The following WFDC9 variants were observed in gnomAD, a reference collection of about 807,000 sequenced individuals.
WFDC9 encodes protein WFDC9.
WFDC9 carries 9 observed loss-of-function variants against 9.5 expected under a neutral mutation model. The ratio of observed to expected loss-of-function variants is 0.95; its 90% CI spans 0.57 to 1.65. WFDC9 has a LOEUF of 1.65. WFDC9 is among the 40% of genes most tolerant of loss of function. The pLI is 0.00. For missense variants in WFDC9, 87 were observed against 106.7 expected, an observed-to-expected ratio of 0.82 and a Z score of 0.81; for synonymous variants, 33 against 32.3, an observed-to-expected ratio of 1.02 and a Z score of -0.07.
At chr20:45,620,278 A>C (rs1021147490) in intron 1 of WFDC9, among the ~76,000 whole-genome samples, 7 of 152,126 alleles carry the variant, frequency 4.6e-5, no homozygotes, top group African/African-American at 7.2e-5. Flanking sequence ...TTTCTTTGTA[A>C]TCTAAGTCAT....
chr20:45,610,231 T>C lies in WFDC9; in HGVS notation c.-50A>G. ...TAAGTTCTGGCAGAAGGCAAGTCTT[T>C]TCCCAATACTGCTAGACGTAGAAAA... On this transcript the variant is annotated 5_prime_UTR_variant, in exon 3 of 5. Transcript: ENST00000326000. 1 of 1,491,978 alleles carries C rather than the reference T, an allele frequency of 6.7e-7. No individual in the cohort carries two copies. The highest frequency in any genetic ancestry group is 9.3e-7 in the Non-Finnish European group (1 of 1,073,002). 92.4% of individuals were successfully genotyped at this position (1,491,978 alleles called of 1,614,324 possible). A position where few individuals can be genotyped will look rare whatever the true frequency, so the allele number is the denominator to read the frequency against.
intron 2 of WFDC9, among the ~76,000 whole-genome samples, chr20:45,614,404 A>G (rs540814991): frequency 6.6e-6 from 1 of 152,350 alleles, no homozygotes; most frequent in East Asian, 1.9e-4. Flanking sequence ...GTTAAAGAGG[A>G]CAGAGTGCTG....
chr20:45,610,907 A>C (rs1254841864), intron 2 of WFDC9, among the ~76,000 whole-genome samples: 3 of 152,250 alleles, frequency 2.0e-5, no homozygotes, highest in African/African-American at 7.2e-5. Context: ...AAAAGGTTTT[A>C]TGAATACGAC....
intron 1 of WFDC9, among the ~76,000 whole-genome samples, chr20:45,627,582 C>T (rs567216314): frequency 8.5e-5 from 13 of 152,164 alleles, no homozygotes; most frequent in African/African-American, 2.9e-4. Context: ...TCCATTTCCT[C>T]TAGGTTTTTG....
chr20:45,610,826 A>G (rs1313127128), intron 2 of WFDC9, among the ~76,000 whole-genome samples: 2 of 152,250 alleles, frequency 1.3e-5, no homozygotes, highest in African/African-American at 4.8e-5. Context: ...GAAGATTTTG[A>G]AGGAAATTTT....
rs903428122 is a variant in WFDC9 at position 45,608,527 on chromosome 20, T to G, written c.239+136A>C. On this transcript the variant is annotated intron_variant, in intron 4 of 4. Transcript: ENST00000326000. ...TTTGCAGTGAGGAGCAGCCTAGGTT[T>G]GGAGATAGGAGGACATTGTCTTTTG... 6.4e-6 allele frequency: 7 copies of G among 1,088,924 alleles called. No individual in the cohort carries two copies. The Admixed American group carries it at 7.5e-5, about 12-fold the overall frequency. The allele number at this position is 1,088,924 out of a possible 1,614,324, so 67.5% of individuals were successfully genotyped here.
In WFDC9 at chr20:45,611,298, G is replaced by A. The variant is rs541445501; in HGVS notation, c.-58-1059C>T. On this transcript the variant is annotated intron_variant, in intron 2 of 4. Transcript: ENST00000326000. ...AGCCAGAGTGGGGGTGGTGGGAGGC[G>A]GGGGAGAGAGATTCACCACATCCTG... Among the ~76,000 whole-genome samples, 8 of 152,242 alleles carry A rather than the reference G, an allele frequency of 5.3e-5. No individual in the cohort carries two copies. The East Asian group carries it at 5.8e-4, about 11-fold the overall frequency.
intron 1 of WFDC9, among the ~76,000 whole-genome samples, chr20:45,616,445 C>T (rs1473228720): frequency 6.6e-6 from 1 of 152,152 alleles, no homozygotes; most frequent in South Asian, 2.1e-4. Context: ...AGTCTTGAAA[C>T]CCTCAGTCAT....
intron 2 of WFDC9, among the ~76,000 whole-genome samples, chr20:45,612,156 G>C (rs914139594): frequency 6.6e-6 from 1 of 152,082 alleles, no homozygotes; most frequent in Non-Finnish European, 1.5e-5. Context: ...AATGTTAACT[G>C]TCAGCATTAA....
intron 1 of WFDC9, among the ~76,000 whole-genome samples, chr20:45,624,062 C>T (rs909253663): frequency 5.9e-5 from 9 of 151,910 alleles, no homozygotes; most frequent in South Asian, 2.1e-4. Context: ...CATGGTGGCA[C>T]GTGCCTGTAG....
intron 1 of WFDC9, among the ~76,000 whole-genome samples, chr20:45,618,320 G>C (rs971747548): frequency 6.6e-6 from 1 of 152,148 alleles, no homozygotes. Context: ...CTCCATATCA[G>C]CAATAGAGCT....
At chr20:45,622,737 CTCTAA>C (rs1422909336) in intron 1 of WFDC9, among the ~76,000 whole-genome samples, 1 of 151,756 alleles carries the variant, frequency 6.6e-6, no homozygotes, top group Non-Finnish European at 1.5e-5. Context: ...CCAATATCTA[CTCTAA>C]TCTATTTACA....
intron 1 of WFDC9, among the ~76,000 whole-genome samples, chr20:45,624,924 T>C (rs1982183496): frequency 2.0e-5 from 3 of 152,192 alleles, no homozygotes; most frequent in African/African-American, 7.2e-5. Flanking sequence ...GCCCATTTTT[T>C]AAATTGGATT....
chr20:45,620,981 A>G (rs536790033), intron 1 of WFDC9, among the ~76,000 whole-genome samples: 27 of 152,344 alleles, frequency 1.8e-4, no homozygotes, highest in Admixed American at 5.2e-4. Context: ...ATATTCTTAT[A>G]GAAAACAATC....
intron 1 of WFDC9, among the ~76,000 whole-genome samples, chr20:45,629,004 T>A (rs985506045): frequency 6.6e-6 from 1 of 152,188 alleles, no homozygotes; most frequent in African/African-American, 2.4e-5. Flanking sequence ...AGCCTTTGAC[T>A]GATAGGTCTC....
chr20:45,631,008 G>T (rs750475683), intron 1 of WFDC9, 195 bp downstream of exon 1: 1 of 1,599,746 alleles, frequency 6.3e-7, no homozygotes, highest in South Asian at 1.1e-5. Flanking sequence ...GTTTGCATGA[G>T]CATCCTGTGA....
intron 1 of WFDC9, among the ~76,000 whole-genome samples, chr20:45,622,466 T>C (rs917767630): frequency 3.3e-5 from 5 of 152,224 alleles, no homozygotes; most frequent in African/African-American, 1.2e-4. Flanking sequence ...TCTTTTTCTT[T>C]TAGAACTACT....
chr20:45,629,711 T>C, intron 1 of WFDC9: 1 of 1,428,964 alleles, frequency 7.0e-7, no homozygotes, highest in Non-Finnish European at 9.5e-7. Flanking sequence ...AGTGAGGAGC[T>C]AAAGATCATT....
intron 1 of WFDC9, among the ~76,000 whole-genome samples, chr20:45,619,733 A>G (rs1227362739): frequency 2.0e-5 from 3 of 152,206 alleles, no homozygotes; most frequent in African/African-American, 4.8e-5. Flanking sequence ...ACATGCATGA[A>G]AAATAGCACA....
Sources: allele counts gnomAD v4.1 joint callset (sites outside exome capture counted in the v4.1 genomes callset), GRCh38; gene constraint gnomAD v4.1.1; transcripts MANE v1.5; gene names NCBI Gene and HGNC (gene_info 2026-07-23, HGNC 2026-07-21).